Variants in DIP2C observed in about 807,000 individuals in gnomAD.
The protein encoded by DIP2C is DIP2 acetate--CoA ligase C (putative).
A neutral mutation model predicts 192.4 loss-of-function variants in DIP2C; 33 were observed. The ratio of observed to expected loss-of-function variants is 0.17; its 90% CI spans 0.13 to 0.23. DIP2C has a LOEUF of 0.23. DIP2C is among the 10% of genes least tolerant of loss of function. The pLI is 1.00. For synonymous variants in DIP2C, 979 were observed against 864.1 expected, an observed-to-expected ratio of 1.13 and a Z score of -2.33; for missense variants, 1,537 against 2,110.1, an observed-to-expected ratio of 0.73 and a Z score of 5.32.
At chr10:433,652 G>C (rs918808438) in intron 4 of DIP2C, among the ~76,000 whole-genome samples, 3 of 152,178 alleles carry the variant, frequency 2.0e-5, no homozygotes, top group African/African-American at 7.2e-5. Flanking sequence ...TTGCACTCCA[G>C]CCTGGGCCAA....
chr10:635,247 T>G (rs1400726782), intron 1 of DIP2C, among the ~76,000 whole-genome samples: 1 of 152,154 alleles, frequency 6.6e-6, no homozygotes, highest in East Asian at 1.9e-4. Flanking sequence ...GTGAATGGGG[T>G]GGGCTCCCAG....
At chr10:499,446 G>A (rs1005476670) in intron 1 of DIP2C, among the ~76,000 whole-genome samples, 1 of 152,230 alleles carries the variant, frequency 6.6e-6, no homozygotes, top group Non-Finnish European at 1.5e-5. Context: ...CATGGCTGGG[G>A]AGACCTCAGG....
chr10:493,561 C>T (rs1047037804), intron 1 of DIP2C, among the ~76,000 whole-genome samples: 3 of 152,156 alleles, frequency 2.0e-5, no homozygotes, highest in African/African-American at 7.2e-5. Context: ...CCGCCGCCTG[C>T]TGTGGGCTCT....
chr10:479,271 G>A (rs1311661964), intron 2 of DIP2C, among the ~76,000 whole-genome samples: 1 of 150,694 alleles, frequency 6.6e-6, no homozygotes, highest in East Asian at 1.9e-4. Context: ...ATCATACAAT[G>A]GTAAGACTGA....
chr10:521,839 G>T (rs375970840), intron 1 of DIP2C, among the ~76,000 whole-genome samples: 2 of 152,040 alleles, frequency 1.3e-5, no homozygotes, highest in Non-Finnish European at 2.9e-5. Context: ...GAGTCCTCAC[G>T]TATCTCCTTC....
At chr10:586,316 G>A (rs909854679) in intron 1 of DIP2C, among the ~76,000 whole-genome samples, 1 of 152,210 alleles carries the variant, frequency 6.6e-6, no homozygotes, top group Non-Finnish European at 1.5e-5. Flanking sequence ...TCCAAGTGCA[G>A]GAATGCATAT....
chr10:410,121 T>C (rs1965090952), intron 8 of DIP2C, among the ~76,000 whole-genome samples: 1 of 152,252 alleles, frequency 6.6e-6, no homozygotes, highest in Non-Finnish European at 1.5e-5. Context: ...ATTAATTTCA[T>C]ATCAGAATGA....
intron 4 of DIP2C, among the ~76,000 whole-genome samples, chr10:439,173 A>G (rs1375865509): frequency 2.0e-5 from 3 of 152,164 alleles, no homozygotes; most frequent in Non-Finnish European, 4.4e-5. Context: ...GCTTAATATT[A>G]AAATAAAGAA....
intron 32 of DIP2C, among the ~76,000 whole-genome samples, chr10:291,504 A>C (rs1312810681): frequency 1.3e-5 from 2 of 152,234 alleles, no homozygotes; most frequent in Non-Finnish European, 2.9e-5. Flanking sequence ...AGGGCAGAAG[A>C]GATGTCTTCC....
chr10:481,834 C>T (rs1347035698), intron 2 of DIP2C, among the ~76,000 whole-genome samples: 2 of 152,164 alleles, frequency 1.3e-5, no homozygotes, highest in African/African-American at 2.4e-5. Flanking sequence ...AGGGCTGCCC[C>T]GGCCCACCCC....
chr10:380,700 G>A (rs1249781881), intron 17 of DIP2C, among the ~76,000 whole-genome samples: 5 of 152,230 alleles, frequency 3.3e-5, no homozygotes, highest in Non-Finnish European at 5.9e-5. Context: ...CATTGGACGT[G>A]ACGACCTTTA....
intron 33 of DIP2C, among the ~76,000 whole-genome samples, chr10:287,160 T>C (rs1467168660): frequency 2.0e-5 from 3 of 152,120 alleles, no homozygotes; most frequent in South Asian, 4.2e-4. Context: ...TGGAGTGGCA[T>C]GATCACAGCT....
At chr10:542,926 A>G (rs1273440695) in intron 1 of DIP2C, among the ~76,000 whole-genome samples, 3 of 152,106 alleles carry the variant, frequency 2.0e-5, no homozygotes, top group Non-Finnish European at 4.4e-5. Flanking sequence ...TATACCACAG[A>G]TCATCAGATT....
intron 31 of DIP2C, among the ~76,000 whole-genome samples, chr10:314,666 G>A (rs904731368): frequency 2.6e-5 from 4 of 152,176 alleles, no homozygotes; most frequent in African/African-American, 7.2e-5. Flanking sequence ...CGTCTGCTCC[G>A]CCTGCTGTGA....
At chr10:350,312 C>T (rs910465134) in intron 24 of DIP2C, among the ~76,000 whole-genome samples, 4 of 152,140 alleles carry the variant, frequency 2.6e-5, no homozygotes, top group African/African-American at 7.2e-5. Flanking sequence ...GTCTCAAACT[C>T]GTGGCCTCAA....
chr10:394,491 T>C (rs10904100), intron 10 of DIP2C, among the ~76,000 whole-genome samples: 44,812 of 147,924 alleles, frequency 0.3, 7,902 homozygotes, highest in Non-Finnish European at 0.4. Context: ...CGGAAGGACA[T>C]TATGCCACAC....
chr10:398,241 C>G (rs1004051205), intron 10 of DIP2C, among the ~76,000 whole-genome samples: 1 of 152,126 alleles, frequency 6.6e-6, no homozygotes, highest in Non-Finnish European at 1.5e-5. Context: ...TACACCTATT[C>G]TCTCTGAAGC....
At chr10:511,108 C>T (rs1053093013) in intron 1 of DIP2C, among the ~76,000 whole-genome samples, 2 of 152,208 alleles carry the variant, frequency 1.3e-5, no homozygotes, top group South Asian at 2.1e-4. Flanking sequence ...TTTCTGAAGT[C>T]GGTGTTTCTG....
At chr10:421,769 G>A (rs1440601320) in intron 5 of DIP2C, among the ~76,000 whole-genome samples, 1 of 151,996 alleles carries the variant, frequency 6.6e-6, no homozygotes, top group African/African-American at 2.4e-5. Flanking sequence ...CTCACCAAAA[G>A]CCTAAAAGCA....
Sources: allele counts gnomAD v4.1 joint callset (sites outside exome capture counted in the v4.1 genomes callset), GRCh38; gene constraint gnomAD v4.1.1; transcripts MANE v1.5; gene names NCBI Gene and HGNC (gene_info 2026-07-23, HGNC 2026-07-21).